Variants in TMEM79 observed in about 807,000 individuals in gnomAD.
TMEM79 encodes the protein transmembrane protein 79, also known as mattrin.
In TMEM79, 30 loss-of-function variants were observed where a neutral mutation model predicts 31.2. That is an observed-to-expected ratio of 0.96 (90% CI 0.72 to 1.30). The LOEUF (loss-of-function observed/expected upper bound fraction) is 1.30. Among genes scored for constraint, TMEM79 ranks in the 50% most tolerant of loss-of-function variants. The probability of loss-of-function intolerance (pLI) is 0.00; values close to 1 mark genes in which losing one functional copy is unlikely to be tolerated. For missense variants in TMEM79, 509 were observed against 528.2 expected, an observed-to-expected ratio of 0.96 and a Z score of 0.36; for synonymous variants, 213 against 229.5, an observed-to-expected ratio of 0.93 and a Z score of 0.65.
In TMEM79 at chr1:156,291,604, T is replaced by C. The variant is rs765567817; in HGVS notation, c.*6T>C. 2 of 1,611,532 alleles carry C rather than the reference T, an allele frequency of 1.2e-6. No homozygotes were observed. The highest frequency in any genetic ancestry group is 3.3e-5 in the Admixed American group (2 of 59,984). On this transcript the variant is annotated 3_prime_UTR_variant, in exon 4 of 4. Transcript: ENST00000405535. ...GGCCCCGCCCCTGGGGCTGAGCCTC[T>C]CCGCCCTCGCCCTCGGAGTAGGGGG...
intron 3 of TMEM79, among the ~76,000 whole-genome samples, chr1:156,288,352 T>C (rs78671792): frequency 6.6e-6 from 1 of 151,794 alleles, no homozygotes; most frequent in Non-Finnish European, 1.5e-5. Flanking sequence ...TTTTTTTTTT[T>C]TGAGATGGTG....
intron 1 of TMEM79, among the ~76,000 whole-genome samples, chr1:156,284,966 C>T (rs941354760): frequency 5.9e-5 from 9 of 152,110 alleles, no homozygotes; most frequent in African/African-American, 1.4e-4. Flanking sequence ...TCCTGTTGGA[C>T]GGCATTTGAT....
At chr1:156,284,074 C>T (rs972435307), upstream of TMEM79, among the ~76,000 whole-genome samples, 2 of 152,234 alleles carry the variant, frequency 1.3e-5, no homozygotes, top group African/African-American at 4.8e-5. Context: ...CCCTTTGTTG[C>T]ACAAATCCAC....
In TMEM79 at chr1:156,291,530, G is replaced by A. The variant is rs1317831609; in HGVS notation, c.1117G>A (p.Glu373Lys). 7 of 1,610,148 alleles carry A rather than the reference G, an allele frequency of 4.3e-6. No homozygotes were observed. In the Admixed American group the frequency reaches 5.0e-5, roughly 11 times the overall value. ...VEPERMLTAT[E>K]SRLDYPDHAR... ...GCCGGAGCGCATGCTCACTGCCACC[G>A]AGAGCCGCCTGGACTACCCGGACCA... The change falls in exon 4 of 4, where the codon GAG becomes AAG. Residue 373 changes from glutamate (E) to lysine (K), a missense_variant. Physicochemically the swap from Glu to Lys is moderately conservative, Grantham distance 56. Coordinates refer to ENST00000405535, the MANE Select transcript of TMEM79 (RefSeq NM_032323.3).
intron 3 of TMEM79, chr1:156,290,337 T>G (rs1663280116): frequency 6.6e-6 from 1 of 152,412 alleles, no homozygotes; most frequent in Non-Finnish European, 1.5e-5. Context: ...TCTTTTCTTC[T>G]TTCTCCAAGA....
intron 3 of TMEM79, among the ~76,000 whole-genome samples, chr1:156,289,627 C>G (rs1201951525): frequency 6.6e-6 from 1 of 151,994 alleles, no homozygotes; most frequent in Non-Finnish European, 1.5e-5. Flanking sequence ...ATAACAAGAA[C>G]AACAAAAAAA....
chr1:156,283,053 T>G (rs918455933), upstream of TMEM79: 2 of 443,142 alleles, frequency 4.5e-6, no homozygotes, highest in East Asian at 3.5e-5. Context: ...AAAGCTTAAC[T>G]GGATCAGGGC....
In TMEM79 at chr1:156,285,920, A is replaced by G. The variant is rs777278993; in HGVS notation, c.694A>G (p.Met232Val). 6.2e-7 allele frequency: 1 copy of G among 1,604,326 alleles called. No homozygotes were observed. The highest frequency in any genetic ancestry group is 1.1e-5 in the South Asian group (1 of 89,774). ...LPFDVPRLPTMSSRLIYTLRC... is the reference protein window; with the variant it reads ...LPFDVPRLPTVSSRLIYTLRC... ...GTTTGATGTCCCACGGCTGCCCACCATGAGTTCCCGCCTGATCTACACACT... is the reference window on the plus strand; with the variant it reads ...GTTTGATGTCCCACGGCTGCCCACCGTGAGTTCCCGCCTGATCTACACACT... The change falls in exon 2 of 4, where the codon ATG (methionine) becomes GTG (valine). Residue 232 changes from methionine to valine, a missense_variant. Met to Val is a conservative substitution (Grantham distance 21). Transcript: ENST00000405535.
chr1:156,291,434 G>A lies in TMEM79; in HGVS notation c.1021G>A (p.Gly341Ser), dbSNP rs1380465325. 6.2e-7 allele frequency: 1 copy of A among 1,613,934 alleles called. No homozygotes were observed. Among genetic ancestry groups the A allele is most frequent in the East Asian group, 2.2e-5 (1 of 44,876 alleles). ...CGTGGGCCGCTCCTTCCGAGGCTTCGGCTACGGCCTGACGTTTCTGCCACT... is the reference window on the plus strand; with the variant it reads ...CGTGGGCCGCTCCTTCCGAGGCTTCAGCTACGGCCTGACGTTTCTGCCACT... ...FAVGRSFRGF[G>S]YGLTFLPLLS... The change falls in exon 4 of 4, where the codon GGC becomes AGC. Residue 341 changes from glycine to serine, a missense_variant. Gly to Ser is a moderately conservative substitution (Grantham distance 56, BLOSUM62 0). Transcript: ENST00000405535.
Position 156,285,877 on chromosome 1 carries a change from GGC to G in TMEM79, c.652_653del (p.Ala218IlefsTer7). On this transcript the variant is annotated frameshift_variant, in exon 2 of 4. Transcript: ENST00000405535. LOFTEE classifies it high-confidence loss of function. Reference sequence around the variant, plus strand: ...TTCTCTTCCCTTGCCTACTATACGGGGCATATGCCTTCCTGCCGTTTGATGTC... The same window carrying G: ...TTCTCTTCCCTTGCCTACTATACGGGATATGCCTTCCTGCCGTTTGATGTC... ...LILFPCLLYGAYAFLPFDVPR... is the reference protein window; with the variant it reads ...LILFPCLLYGXYAFLPFDVPR... 6.2e-7 allele frequency: 1 copy of G among 1,613,836 alleles called. No individual in the cohort carries two copies. Among genetic ancestry groups the G allele is most frequent in the Non-Finnish European group, 8.5e-7 (1 of 1,179,980 alleles).
chr1:156,291,279 C>A, intron 3 of TMEM79, 106 bp from the exon 4 acceptor site: 1 of 979,008 alleles, frequency 1.0e-6, no homozygotes, highest in East Asian at 2.4e-5. Flanking sequence ...GCCATACCCA[C>A]CAACTGCATC....
chr1:156,283,907 T>C (rs1238870223), upstream of TMEM79, among the ~76,000 whole-genome samples: 1 of 152,250 alleles, frequency 6.6e-6, no homozygotes, highest in Non-Finnish European at 1.5e-5. Context: ...TTCATTATGT[T>C]ACCCCAATAG....
chr1:156,288,177 GAAA>G (rs1301692601), intron 3 of TMEM79, among the ~76,000 whole-genome samples: 1 of 139,384 alleles, frequency 7.2e-6, no homozygotes, highest in Admixed American at 7.5e-5. Flanking sequence ...TGGCCTGGGT[GAAA>G]GAGTGAGACT....
chr1:156,284,785 A>G (rs1358528319), intron 1 of TMEM79, among the ~76,000 whole-genome samples: 1 of 152,174 alleles, frequency 6.6e-6, no homozygotes, highest in East Asian at 1.9e-4. Flanking sequence ...GTCTACAGCA[A>G]GATCCTCAGT....
intron 3 of TMEM79, among the ~76,000 whole-genome samples, chr1:156,287,857 A>G (rs1035099921): frequency 6.6e-6 from 1 of 151,832 alleles, no homozygotes; most frequent in Non-Finnish European, 1.5e-5. Flanking sequence ...ACCTCAGGTG[A>G]TCTGCCCGCC....
chr1:156,286,873 C>T (rs1158282101), intron 3 of TMEM79, among the ~76,000 whole-genome samples: 1 of 152,216 alleles, frequency 6.6e-6, no homozygotes, highest in Non-Finnish European at 1.5e-5. Context: ...CCTGTAATCT[C>T]AGCACTTTGA....
At chr1:156,284,466 G>C (rs1416331927) in intron 1 of TMEM79, 60 bp downstream of exon 1, 1 of 152,284 alleles carries the variant, frequency 6.6e-6, no homozygotes, top group African/African-American at 2.4e-5. Context: ...ATAAAGGAAG[G>C]GAATCAGTCC....
intron 3 of TMEM79, among the ~76,000 whole-genome samples, chr1:156,287,212 C>T (rs965752531): frequency 9.9e-5 from 15 of 152,090 alleles, no homozygotes; most frequent in African/African-American, 2.7e-4. Context: ...GTCAGGAGCT[C>T]GAGACCAGCT....
intron 3 of TMEM79, 101 bp downstream of exon 3, chr1:156,286,574 T>C (rs1663170306): frequency 8.4e-7 from 1 of 1,190,154 alleles, no homozygotes; most frequent in Admixed American, 1.9e-5. Flanking sequence ...TTCCGGATTC[T>C]ACACTGGCCC....
Sources: allele counts gnomAD v4.1 joint callset (sites outside exome capture counted in the v4.1 genomes callset), GRCh38; gene constraint gnomAD v4.1.1; transcripts MANE v1.5; gene names NCBI Gene and HGNC (gene_info 2026-07-23, HGNC 2026-07-21).